Variants in NCKAP5 observed in about 807,000 individuals in gnomAD.
The protein encoded by NCKAP5 is NCK associated protein 5.
Under a neutral mutation model 167.0 loss-of-function variants are expected in NCKAP5, and 92 were observed. That is an observed-to-expected ratio of 0.55 (90% CI 0.47 to 0.66). The LOEUF (loss-of-function observed/expected upper bound fraction) is 0.66, where lower values mean the gene tolerates loss of function less well. Ranked by LOEUF, NCKAP5 falls within the 30% of genes least tolerant of loss-of-function variation. The pLI is 0.00. For synonymous variants in NCKAP5, 891 were observed against 877.4 expected (o/e 1.02, Z -0.27); for missense variants, 2,378 against 2,315.0 (o/e 1.03, Z -0.56).
At chr2:133,177,065 C>T (rs2084493130) in intron 5 of NCKAP5, among the ~76,000 whole-genome samples, 1 of 151,758 alleles carries the variant, frequency 6.6e-6, no homozygotes, top group South Asian at 2.1e-4. Flanking sequence ...CAAAAGTTAT[C>T]ACTGATTTAA....
At chr2:133,011,276 CT>C (rs2078151656) in intron 6 of NCKAP5, among the ~76,000 whole-genome samples, 1 of 152,198 alleles carries the variant, frequency 6.6e-6, no homozygotes, top group African/African-American at 2.4e-5. Flanking sequence ...CAGAATTTTA[CT>C]GTAATATTGA....
intron 3 of NCKAP5, among the ~76,000 whole-genome samples, chr2:133,504,915 C>G (rs1044707274): frequency 1.3e-5 from 2 of 152,106 alleles, no homozygotes; most frequent in Non-Finnish European, 1.5e-5. Flanking sequence ...CAGTTCCCCC[C>G]CAAAACTCAT....
the NCKAP5 span, among the ~76,000 whole-genome samples, chr2:133,582,046 C>T: frequency 6.6e-6 from 1 of 152,198 alleles, no homozygotes; most frequent in Non-Finnish European, 1.5e-5. Context: ...TGTGGTGAAG[C>T]TTAGTGTTGC....
intron 8 of NCKAP5, among the ~76,000 whole-genome samples, chr2:132,940,563 C>T (rs1697220283): frequency 6.6e-6 from 1 of 152,018 alleles, no homozygotes; most frequent in Admixed American, 6.5e-5. Flanking sequence ...TAACTAGCAA[C>T]AAGCTAAATG....
At chr2:133,152,320 G>C (rs1413616262) in intron 5 of NCKAP5, among the ~76,000 whole-genome samples, 1 of 152,092 alleles carries the variant, frequency 6.6e-6, no homozygotes, top group Non-Finnish European at 1.5e-5. Context: ...TGGAAGCCTG[G>C]AACTAATTTC....
chr2:132,822,398 C>T lies in NCKAP5; in HGVS notation c.808-25669G>A, dbSNP rs138478956. ...CATCACAGGACTTTTTGGAGACATT[C>T]CACAGCACCAGCCTGGAGCCTGATA... On this transcript the variant is annotated intron_variant, in intron 11 of 19. Coordinates refer to ENST00000409261, the MANE Select transcript of NCKAP5 (RefSeq NM_207363.3). Among the ~76,000 whole-genome samples the T allele has an allele frequency of 6.2e-4, 94 of 152,320 alleles. 1 individual carries two copies. Among genetic ancestry groups the T allele is most frequent in the African/African-American group, 2.2e-3 (92 of 41,582 alleles).
chr2:133,565,101 C>A (rs1688454285), intron 1 of NCKAP5, among the ~76,000 whole-genome samples: 1 of 152,170 alleles, frequency 6.6e-6, no homozygotes, highest in African/African-American at 2.4e-5. Flanking sequence ...GGAGGATAAA[C>A]TGAGTGTGTG....
chr2:133,140,520 C>A (rs1457438931), intron 5 of NCKAP5, among the ~76,000 whole-genome samples: 3 of 152,058 alleles, frequency 2.0e-5, no homozygotes, highest in Non-Finnish European at 4.4e-5. Context: ...TTTCATCCTC[C>A]CATCTACGCT....
chr2:132,678,710 G>T (rs1684817570), intron 19 of NCKAP5, among the ~76,000 whole-genome samples: 1 of 152,162 alleles, frequency 6.6e-6, no homozygotes, highest in African/African-American at 2.4e-5. Flanking sequence ...AGAAAATGCA[G>T]ATAGCGAGGT....
intron 3 of NCKAP5, among the ~76,000 whole-genome samples, chr2:133,336,504 T>C (rs77362965): frequency 1.4e-3 from 211 of 152,320 alleles, no homozygotes; most frequent in African/African-American, 4.6e-3. Context: ...AAAAGAAAGT[T>C]AATGCCTTCA....
At chr2:133,128,092 T>C (rs996134745) in intron 6 of NCKAP5, among the ~76,000 whole-genome samples, 20 of 152,198 alleles carry the variant, frequency 1.3e-4, no homozygotes, top group Non-Finnish European at 2.5e-4. Context: ...GGCTCAACTG[T>C]GTTTGTTCTC....
At chr2:133,460,532 C>T (rs1692137982) in intron 3 of NCKAP5, among the ~76,000 whole-genome samples, 1 of 152,110 alleles carries the variant, frequency 6.6e-6, no homozygotes, top group African/African-American at 2.4e-5. Flanking sequence ...ATTTAATCTA[C>T]ACTTCTGAGA....
intron 3 of NCKAP5, among the ~76,000 whole-genome samples, chr2:133,428,650 C>CA (rs1278087234): frequency 1.3e-5 from 2 of 152,086 alleles, no homozygotes; most frequent in African/African-American, 2.4e-5. Context: ...CGTGTTTACA[C>CA]AAAGATACTA....
intron 5 of NCKAP5, among the ~76,000 whole-genome samples, chr2:133,194,113 G>A (rs951682666): frequency 6.6e-6 from 1 of 151,966 alleles, no homozygotes; most frequent in Admixed American, 6.6e-5. Context: ...ATGCACTCGG[G>A]TAAGAAAGTG....
At chr2:133,474,131 T>TCTATCTATCTAC (rs1447702438) in intron 3 of NCKAP5, among the ~76,000 whole-genome samples, 7 of 145,938 alleles carry the variant, frequency 4.8e-5, no homozygotes, top group East Asian at 1.9e-4. Flanking sequence ...TATCTATCTA[T>TCTATCTATCTAC]CTATCTATCT....
At position 132,869,036 on chromosome 2, in the gene NCKAP5, A is replaced by C. The variant is rs115812874; in HGVS notation, c.649-62T>G. On this transcript the variant is annotated intron_variant, in intron 9 of 19. Transcript: ENST00000409261. ...ATGAGACTTTATATGCACCGACTCT[A>C]ATTTACCAATAAGTTTCTCGCAGCT... 2.4e-3 allele frequency: 2,913 copies of C among 1,213,058 alleles called. 50 individuals are homozygous for C. The African/African-American group carries it at 0.04, about 16-fold the overall frequency. The allele number at this position is 1,213,058 out of a possible 1,614,324, so 75.1% of individuals were successfully genotyped here.
rs79801873 is a variant in NCKAP5, at chr2:132,946,999, G to A, written c.579+16721C>T. Reference sequence around the variant, plus strand: ...ATCAAAATGGATGAAAAAAGTTGTGGTGTTTCTTAAACATACATATAAAAA... The same window carrying A: ...ATCAAAATGGATGAAAAAAGTTGTGATGTTTCTTAAACATACATATAAAAA... On this transcript the variant is annotated intron_variant, in intron 8 of 19. Coordinates refer to ENST00000409261, the MANE Select transcript of NCKAP5 (RefSeq NM_207363.3). 2.6e-5 allele frequency among the ~76,000 whole-genome samples: 4 copies of A among 152,290 alleles called. No individual in the cohort carries two copies. In the East Asian group the frequency reaches 7.7e-4, roughly 29 times the overall value.
At chr2:133,123,692 G>C (rs78531495) in intron 6 of NCKAP5, 3 of 450,988 alleles carry the variant, frequency 6.7e-6, no homozygotes, top group Non-Finnish European at 1.4e-5. Flanking sequence ...CAAAGTTGAC[G>C]AACAGTCAGA....
intron 8 of NCKAP5, among the ~76,000 whole-genome samples, chr2:132,884,895 A>G (rs1692093186): frequency 6.6e-6 from 1 of 152,216 alleles, no homozygotes; most frequent in Admixed American, 6.5e-5. Flanking sequence ...ATCCATTCAG[A>G]TAATTACCGT....
Sources: gnomAD v4.1 joint callset for allele counts (sites outside exome capture counted in the v4.1 genomes callset) on GRCh38, gnomAD v4.1.1 for gene constraint, MANE v1.5 for transcripts, NCBI Gene and HGNC (gene_info 2026-07-23, HGNC 2026-07-21) for gene names.